The following ARHGEF7 variants were observed in gnomAD, a reference collection of about 807,000 sequenced individuals.
ARHGEF7 encodes the protein PAK-interacting exchange factor beta.
In ARHGEF7, 33 loss-of-function variants were observed where a neutral mutation model predicts 109.8. The observed-to-expected ratio is 0.30, with a 90% confidence interval of 0.23 to 0.40. The LOEUF is 0.40. Among genes scored for constraint, ARHGEF7 ranks in the 10% least tolerant of loss-of-function variants. ARHGEF7 has a pLI of 1.00. For missense variants in ARHGEF7, 938 were observed against 1,098.5 expected (o/e 0.85, Z 2.07); for synonymous variants, 458 against 424.6 (o/e 1.08, Z -0.97).
At chr13:111,141,856 T>C (rs1048724701) in intron 1 of ARHGEF7, among the ~76,000 whole-genome samples, 14 of 152,336 alleles carry the variant, frequency 9.2e-5, no homozygotes, top group African/African-American at 3.4e-4. Context: ...AGGAGCACAA[T>C]TGCTGGATCA....
At chr13:111,175,561 C>T (rs2078064303) in intron 2 of ARHGEF7, among the ~76,000 whole-genome samples, 2 of 152,154 alleles carry the variant, frequency 1.3e-5, no homozygotes, top group South Asian at 4.1e-4. Flanking sequence ...GGTGAGTGAG[C>T]TTTTGGGGGA....
At chr13:111,192,838 C>G (rs968455809) in intron 2 of ARHGEF7, among the ~76,000 whole-genome samples, 2 of 152,216 alleles carry the variant, frequency 1.3e-5, no homozygotes, top group African/African-American at 2.4e-5. Flanking sequence ...TGAGCCTTCT[C>G]TGTCTTGCGA....
intron 2 of ARHGEF7, among the ~76,000 whole-genome samples, chr13:111,170,209 T>C (rs547436423): frequency 1.3e-5 from 2 of 152,352 alleles, no homozygotes; most frequent in South Asian, 2.1e-4. Context: ...GCAGTACTCA[T>C]GCCTCAACCT....
At chr13:111,183,042 C>G (rs1452760374) in intron 2 of ARHGEF7, among the ~76,000 whole-genome samples, 1 of 152,130 alleles carries the variant, frequency 6.6e-6, no homozygotes, top group Non-Finnish European at 1.5e-5. Context: ...AATGTATTTT[C>G]AACTTCACGA....
intron 4 of ARHGEF7, among the ~76,000 whole-genome samples, chr13:111,215,428 A>G (rs1228208038): frequency 1.3e-5 from 2 of 151,400 alleles, no homozygotes; most frequent in African/African-American, 4.9e-5. Context: ...CCACAGAGAA[A>G]GAGGGGCTGG....
chr13:111,120,969 C>G (rs831150), intron 1 of ARHGEF7, among the ~76,000 whole-genome samples: 104,050 of 152,114 alleles, frequency 0.68, 36,447 homozygotes, highest in Middle Eastern at 0.82. Context: ...GGGGAAGATT[C>G]GCAACCACTG....
intron 3 of ARHGEF7, among the ~76,000 whole-genome samples, chr13:111,208,864 C>T (rs1416259249): frequency 1.3e-5 from 2 of 152,126 alleles, no homozygotes; most frequent in African/African-American, 4.8e-5. Context: ...GATGGAAGGG[C>T]ATGGGTGCTG....
At chr13:111,211,023 T>C (rs2082425587) in intron 4 of ARHGEF7, among the ~76,000 whole-genome samples, 1 of 152,202 alleles carries the variant, frequency 6.6e-6, no homozygotes, top group Non-Finnish European at 1.5e-5. Context: ...GAATGTGATT[T>C]TTATGTTTCT....
In ARHGEF7 at chr13:111,228,192, C is replaced by T. The variant is rs1009775086; in HGVS notation, c.671-5013C>T. 6.6e-6 allele frequency among the ~76,000 whole-genome samples: 1 copy of T among 152,240 alleles called. No homozygotes were observed. The highest frequency in any genetic ancestry group is 2.1e-4 in the South Asian group (1 of 4,832). ...TAGAATGAAAGAGACTTTAGTGGCA[C>T]AGCAGCCAGATGTGCTGCGCAGACT... is the stretch of plus-strand genomic sequence containing the variant. On this transcript the variant is annotated intron_variant, in intron 5 of 21. Coordinates refer to ENST00000646102, the MANE Select transcript of ARHGEF7 (RefSeq NM_001354046.2). This position sits in a 1 kb window ranked among gnomAD's most constrained non-coding sequence, Gnocchi z 4.6.
In ARHGEF7 at chr13:111,131,236, G is replaced by T. The variant is rs1276013962; in HGVS notation, c.165+15545G>T. On this transcript the variant is annotated intron_variant, in intron 1 of 21. Transcript: ENST00000646102. The surrounding 1 kb of genome is among the most constrained non-coding windows in gnomAD (Gnocchi z 4.4). ...GGAGGCAGTGCTGACAAGGAGATGGGGATGGCACCAAGGGAGCCCAGGAGG... is the reference window on the plus strand; with the variant it reads ...GGAGGCAGTGCTGACAAGGAGATGGTGATGGCACCAAGGGAGCCCAGGAGG... Among the ~76,000 whole-genome samples, 2 of 152,090 alleles carry T rather than the reference G, an allele frequency of 1.3e-5. No individual in the cohort carries two copies. Among genetic ancestry groups the T allele is most frequent in the Non-Finnish European group, 2.9e-5 (2 of 68,022 alleles).
intron 2 of ARHGEF7, among the ~76,000 whole-genome samples, chr13:111,199,154 C>T (rs755029): frequency 0.23 from 34,491 of 152,058 alleles, 4,994 homozygotes; most frequent in East Asian, 0.78. Flanking sequence ...CAGGCCTGCC[C>T]CTGCCTGTAG....
At chr13:111,117,202 C>A (rs751193687) in intron 1 of ARHGEF7, among the ~76,000 whole-genome samples, 50 of 152,162 alleles carry the variant, frequency 3.3e-4, no homozygotes, top group Non-Finnish European at 5.6e-4. Context: ...AAAAACATGT[C>A]GCCATCAAAG....
At chr13:111,281,118 A>G (rs1172874587) in intron 15 of ARHGEF7, 1 of 143,616 alleles carries the variant, frequency 7.0e-6, no homozygotes, top group Non-Finnish European at 1.5e-5. Context: ...CACACTGTTG[A>G]TTTTAAGAAA....
chr13:111,193,582 C>G (rs1376419165), intron 2 of ARHGEF7, among the ~76,000 whole-genome samples: 1 of 152,250 alleles, frequency 6.6e-6, no homozygotes, highest in Non-Finnish European at 1.5e-5. Context: ...AGCGTACTTG[C>G]TATCTGTATA....
intron 8 of ARHGEF7, among the ~76,000 whole-genome samples, chr13:111,246,839 T>C (rs2088938654): frequency 1.3e-5 from 2 of 152,226 alleles, no homozygotes; most frequent in African/African-American, 4.8e-5. Context: ...AACAAATTAT[T>C]ACAGTATATT....
At chr13:111,132,520 A>G (rs2074807858) in intron 1 of ARHGEF7, among the ~76,000 whole-genome samples, 1 of 152,200 alleles carries the variant, frequency 6.6e-6, no homozygotes, top group Admixed American at 6.5e-5. Flanking sequence ...TAAGTTTTAG[A>G]AAGTTCAGGT....
intron 4 of ARHGEF7, among the ~76,000 whole-genome samples, chr13:111,215,817 C>T (rs1205241500): frequency 6.6e-6 from 1 of 152,144 alleles, no homozygotes; most frequent in East Asian, 1.9e-4. Flanking sequence ...AGGCTGGCCG[C>T]ACAGCTGCTG....
chr13:111,212,827 G>A (rs968895377), intron 4 of ARHGEF7, among the ~76,000 whole-genome samples: 2 of 152,242 alleles, frequency 1.3e-5, no homozygotes, highest in African/African-American at 2.4e-5. Context: ...CTGGAAGTAC[G>A]TGTATCTTAC....
chr13:111,295,096 G>A (rs1016485503), intron 19 of ARHGEF7: 1 of 982,370 alleles, frequency 1.0e-6, no homozygotes, highest in African/African-American at 1.8e-5. Flanking sequence ...TGTACAGTAT[G>A]CATATTATTG....
Sources: allele counts gnomAD v4.1 joint callset (sites outside exome capture counted in the v4.1 genomes callset), GRCh38; gene constraint gnomAD v4.1.1; non-coding constraint Gnocchi (gnomAD v3.1); transcripts MANE v1.5; gene names NCBI Gene and HGNC (gene_info 2026-07-23, HGNC 2026-07-21).